The following PCDH17 variants were observed in gnomAD, a reference collection of about 807,000 sequenced individuals.
PCDH17 encodes protocadherin 17.
Under a neutral mutation model 67.7 loss-of-function variants are expected in PCDH17, and 21 were observed. The observed-to-expected ratio is 0.31, with a 90% CI of 0.22 to 0.45. PCDH17 has a LOEUF of 0.45. Among genes scored for constraint, PCDH17 ranks in the 20% least tolerant of loss-of-function variants. PCDH17 has a pLI of 1.00. For synonymous variants in PCDH17, 701 were observed against 656.7 expected (o/e 1.07, Z -1.03); for missense variants, 1,471 against 1,564.8 (o/e 0.94, Z 1.01).
chr13:57,673,702 T>G (rs1225044048), intron 3 of PCDH17, among the ~76,000 whole-genome samples: 1 of 151,972 alleles, frequency 6.6e-6, no homozygotes, highest in Non-Finnish European at 1.5e-5. Flanking sequence ...AAAAAATTAC[T>G]TAGAAATGTT....
At position 57,724,954 on chromosome 13, in the gene PCDH17, G is replaced by C. The variant is rs555887888; in HGVS notation, c.3140G>C (p.Cys1047Ser). 7 of 1,614,170 alleles carry C rather than the reference G, an allele frequency of 4.3e-6. No homozygotes were observed. The East Asian group carries it at 1.6e-4, about 36-fold the overall frequency. Reference sequence around the variant, plus strand: ...CCAACCAAGGCGTGCATCGAGCCTTGCACCTCAACAAAAGGCTCCCTGGAT... The same window carrying C: ...CCAACCAAGGCGTGCATCGAGCCTTCCACCTCAACAAAAGGCTCCCTGGAT... ...SSPTKACIEP[C>S]TSTKGSLDGC... The change falls in exon 4 of 4, where the codon TGC (cysteine) becomes TCC (serine). Residue 1047 changes from cysteine (C) to serine (S), a missense_variant. Coordinates refer to ENST00000377918, the MANE Select transcript of PCDH17 (RefSeq NM_001040429.3).
intron 1 of PCDH17, among the ~76,000 whole-genome samples, chr13:57,665,887 T>A (rs2138023170): frequency 6.6e-6 from 1 of 152,316 alleles, no homozygotes; most frequent in East Asian, 1.9e-4. Context: ...CCGACTGGAT[T>A]GTTTGAACAT....
intron 1 of PCDH17, among the ~76,000 whole-genome samples, chr13:57,643,915 T>C (rs1024972436): frequency 6.6e-6 from 1 of 151,744 alleles, no homozygotes; most frequent in Admixed American, 6.6e-5. Flanking sequence ...CTTATAGATA[T>C]GCATTGACTG....
chr13:57,683,032 A>C (rs562958662), intron 3 of PCDH17, among the ~76,000 whole-genome samples: 1 of 152,006 alleles, frequency 6.6e-6, no homozygotes, highest in Non-Finnish European at 1.5e-5. Flanking sequence ...GGAAATAACC[A>C]TTCTAAGGTT....
intron 3 of PCDH17, among the ~76,000 whole-genome samples, chr13:57,700,227 C>T (rs901502499): frequency 6.6e-6 from 1 of 152,094 alleles, no homozygotes; most frequent in African/African-American, 2.4e-5. Context: ...AATTTTCTTA[C>T]CTGAAAAATA....
At chr13:57,654,898 T>C (rs1207446017) in intron 1 of PCDH17, among the ~76,000 whole-genome samples, 1 of 151,996 alleles carries the variant, frequency 6.6e-6, no homozygotes, top group East Asian at 1.9e-4. Flanking sequence ...AAATATCTTT[T>C]CCTATGTAAT....
chr13:57,671,363 T>C (rs139115620), intron 3 of PCDH17, among the ~76,000 whole-genome samples: 26 of 151,930 alleles, frequency 1.7e-4, no homozygotes, highest in Admixed American at 1.1e-3. Context: ...TAAACTGATT[T>C]ATATCAAGAC....
intron 3 of PCDH17, among the ~76,000 whole-genome samples, chr13:57,696,927 T>C (rs1955614916): frequency 6.6e-6 from 1 of 151,632 alleles, no homozygotes; most frequent in Admixed American, 6.6e-5. Flanking sequence ...CCACAGCTGA[T>C]TGACAGTCTC....
intron 3 of PCDH17, among the ~76,000 whole-genome samples, chr13:57,704,966 C>T (rs924668266): frequency 2.1e-4 from 32 of 151,906 alleles, no homozygotes; most frequent in Non-Finnish European, 3.2e-4. Context: ...TGTATATATA[C>T]GTAATGTAGA....
At chr13:57,696,722 C>T (rs78656853) in intron 3 of PCDH17, among the ~76,000 whole-genome samples, 4,699 of 151,338 alleles carry the variant, frequency 0.031, 244 homozygotes, top group African/African-American at 0.11. Context: ...AAGCAAAATG[C>T]CAGGTTTTAC....
chr13:57,650,830 G>A (rs552663343), intron 1 of PCDH17, among the ~76,000 whole-genome samples: 1 of 152,180 alleles, frequency 6.6e-6, no homozygotes, highest in South Asian at 2.1e-4. Flanking sequence ...ATTTTTTGTT[G>A]AGTAAATCTG....
rs150845955 is a variant in PCDH17, at chr13:57,634,606, C to A, written c.2060C>A (p.Ser687Tyr). Reference protein sequence around the residue: ...AKLIIRSVSGSLPEGVPRVNG... With the variant: ...AKLIIRSVSGYLPEGVPRVNG... ...CTCATCATCCGCTCGGTGAGCGGAT[C>A]CCTTCCCGAGGGGGTACCACGGGTG... The change falls in exon 1 of 4, where the codon TCC becomes TAC. Residue 687 changes from serine (S) to tyrosine (Y), a missense_variant. Ser to Tyr is a moderately radical substitution (Grantham distance 144). Coordinates refer to ENST00000377918, the MANE Select transcript of PCDH17 (RefSeq NM_001040429.3). This position sits in a 1 kb window ranked among gnomAD's most constrained non-coding sequence, Gnocchi z 7.8. The A allele has an allele frequency of 4.3e-5, 69 of 1,613,424 alleles. No individual in the cohort carries two copies. The highest frequency in any genetic ancestry group is 5.5e-5 in the Non-Finnish European group (65 of 1,179,986).
chr13:57,701,221 A>G (rs1955660025), intron 3 of PCDH17, among the ~76,000 whole-genome samples: 1 of 152,142 alleles, frequency 6.6e-6, no homozygotes, highest in African/African-American at 2.4e-5. Context: ...ATTATCTTTC[A>G]CAGTTTATCA....
intron 1 of PCDH17, among the ~76,000 whole-genome samples, chr13:57,660,454 A>G (rs573832156): frequency 5.2e-4 from 79 of 152,354 alleles, no homozygotes; most frequent in Non-Finnish European, 1.0e-3. Flanking sequence ...AACTTTTATT[A>G]TAATTATTTT....
chr13:57,650,438 C>G (rs937992570), intron 1 of PCDH17, among the ~76,000 whole-genome samples: 3 of 151,976 alleles, frequency 2.0e-5, no homozygotes, highest in Admixed American at 2.0e-4. Context: ...ACTACAGGGC[C>G]AGTTACTCCT....
At chr13:57,691,072 A>C (rs1955554166) in intron 3 of PCDH17, among the ~76,000 whole-genome samples, 1 of 151,462 alleles carries the variant, frequency 6.6e-6, no homozygotes. Flanking sequence ...GCTCATTGGA[A>C]GTATAATAAA....
intron 1 of PCDH17, among the ~76,000 whole-genome samples, chr13:57,660,069 T>C (rs758248329): frequency 3.7e-4 from 57 of 152,038 alleles, no homozygotes; most frequent in Non-Finnish European, 6.5e-4. Flanking sequence ...ACCCCGTCTA[T>C]ACTAAAGAAG....
chr13:57,666,480 C>T lies in PCDH17; in HGVS notation c.2578C>T (p.Pro860Ser). The change falls in exon 2 of 4, where the codon CCC becomes TCC. Residue 860 changes from proline to serine, a missense_variant. Transcript: ENST00000377918. The stretch of plus-strand genomic sequence containing the variant: ...TTCTCTTTCACAGACAGACAATTTT[C>T]CCGCAGAGCCCAATTACATGGGCAG... ...RMSIIQTDNF[P>S]AEPNYMGSRQ... 1 of 1,613,734 alleles carries T rather than the reference C, an allele frequency of 6.2e-7. No individual in the cohort carries two copies. The highest frequency in any genetic ancestry group is 1.1e-5 in the South Asian group (1 of 91,082).
At chr13:57,694,763 A>G (rs148799400) in intron 3 of PCDH17, among the ~76,000 whole-genome samples, 109 of 151,316 alleles carry the variant, frequency 7.2e-4, no homozygotes, top group Admixed American at 1.5e-3. Flanking sequence ...CAGTTACAGT[A>G]TATGATACTA....
Sources: gnomAD v4.1 joint callset for allele counts (sites outside exome capture counted in the v4.1 genomes callset) on GRCh38, gnomAD v4.1.1 for gene constraint, Gnocchi (gnomAD v3.1) non-coding constraint, MANE v1.5 for transcripts, NCBI Gene and HGNC (gene_info 2026-07-23, HGNC 2026-07-21) for gene names.